The following HMOX1 variants were observed in gnomAD, a reference collection of about 807,000 sequenced individuals.
The protein encoded by HMOX1 is heme oxygenase 1, also known as heat shock protein, 32-kD.
Under a neutral mutation model 27.8 loss-of-function variants are expected in HMOX1, and 22 were observed. That is an observed-to-expected ratio of 0.79 (90% confidence interval 0.57 to 1.13). The LOEUF is 1.13. Ranked by LOEUF, HMOX1 falls within the 50% of genes most tolerant of loss-of-function variation. HMOX1 has a pLI of 0.00. For missense variants in HMOX1, 379 were observed against 377.7 expected (o/e 1.00, Z -0.03); for synonymous variants, 153 against 151.6 (o/e 1.01, Z -0.07).
At chr22:35,381,247 G>A in intron 1 of HMOX1, 51 bp downstream of exon 1, 1 of 1,539,262 alleles carries the variant, frequency 6.5e-7, no homozygotes, top group Non-Finnish European at 8.7e-7. Context: ...TCCCAACCCT[G>A]CTTGCGTCCT....
chr22:35,385,433 ATTTTTT>A (rs199925853), intron 2 of HMOX1, among the ~76,000 whole-genome samples: 9 of 124,714 alleles, frequency 7.2e-5, no homozygotes, highest in Non-Finnish European at 1.2e-4. Flanking sequence ...CCTTTGTTGG[ATTTTTT>A]TTTTTTTTTT....
intron 3 of HMOX1, among the ~76,000 whole-genome samples, chr22:35,389,229 C>T (rs1166907327): frequency 8.5e-6 from 1 of 116,976 alleles, no homozygotes. Flanking sequence ...TTCTTTCTTT[C>T]TTTCTTTCTT....
rs555936142 is a variant in HMOX1 at position 35,384,956 on chromosome 22, C to G, written c.145-1729C>G. ...TCCGTCACACTCAAAAACCCAGGCT[C>G]TTTTGTACCAGACTGCCTGGCTTTC... On this transcript the variant is annotated intron_variant, in intron 2 of 4. Transcript: ENST00000216117. Among the ~76,000 whole-genome samples, 7 of 151,932 alleles carry G rather than the reference C, an allele frequency of 4.6e-5. No individual in the cohort carries two copies. The East Asian group carries it at 9.6e-4, about 21-fold the overall frequency.
chr22:35,389,391 CCTTCCTTTCTTTCTTTCTTTCTTT>C (rs1321644733), intron 3 of HMOX1, among the ~76,000 whole-genome samples: 2 of 49,798 alleles, frequency 4.0e-5, no homozygotes, highest in African/African-American at 1.2e-4. Flanking sequence ...TTCCTTCCTT[CCTTCCTTTCTTTCTTTCTTTCTTT>C]CTTTCTTTCT....
chr22:35,391,505 T>C (rs903106195), intron 4 of HMOX1, among the ~76,000 whole-genome samples: 10 of 151,404 alleles, frequency 6.6e-5, no homozygotes, highest in African/African-American at 2.2e-4. Context: ...GCCAGGATGG[T>C]CTCGATCTCC....
intron 3 of HMOX1, among the ~76,000 whole-genome samples, chr22:35,389,301 T>C (rs1245319905): frequency 1.2e-4 from 15 of 123,848 alleles, no homozygotes; most frequent in African/African-American, 5.9e-4. Flanking sequence ...TCTTTCTTCT[T>C]TCTTTCTTTC....
At chr22:35,381,814 A>C (rs1931393403) in intron 1 of HMOX1, among the ~76,000 whole-genome samples, 1 of 151,706 alleles carries the variant, frequency 6.6e-6, no homozygotes, top group Admixed American at 6.6e-5. Context: ...CTCCCACCTC[A>C]GCCTCCAGAG....
Position 35,388,763 on chromosome 22 carries a change from C to T in HMOX1, c.637-1101C>T, listed in dbSNP as rs12169485. 3.4e-3 allele frequency among the ~76,000 whole-genome samples: 524 copies of T among 151,930 alleles called. 2 individuals carry two copies. Among genetic ancestry groups the T allele is most frequent in the African/African-American group, 0.011 (463 of 41,326 alleles). ...AGTGAGCAGAGATCGCGCCACTGCACTCCAGCCTGGGAGACAGAGTGAGAC... is the reference window on the plus strand; with the variant it reads ...AGTGAGCAGAGATCGCGCCACTGCATTCCAGCCTGGGAGACAGAGTGAGAC... On this transcript the variant is annotated intron_variant, in intron 3 of 4. Transcript: ENST00000216117.
intron 3 of HMOX1, among the ~76,000 whole-genome samples, chr22:35,389,282 TC>T (rs1473332463): frequency 8.5e-6 from 1 of 117,260 alleles, no homozygotes; most frequent in Non-Finnish European, 1.7e-5. Context: ...CTCCTCTCTC[TC>T]TCTCTCTTCT....
At chr22:35,389,839 G>C (rs1435824639) in intron 3 of HMOX1, 25 bp from the exon 4 acceptor site, 1 of 1,514,792 alleles carries the variant, frequency 6.6e-7, no homozygotes, top group Non-Finnish European at 9.1e-7. Flanking sequence ...CACTGAGATA[G>C]GCATGTGTGT....
chr22:35,383,279 G>T, intron 2 of HMOX1, 53 bp downstream of exon 2: 7 of 1,601,724 alleles, frequency 4.4e-6, no homozygotes, highest in South Asian at 1.1e-5. Flanking sequence ...GGTGTGGGTG[G>T]ACCCAAGGCT....
chr22:35,384,381 C>G (rs982302913), intron 2 of HMOX1, among the ~76,000 whole-genome samples: 1 of 151,950 alleles, frequency 6.6e-6, no homozygotes, highest in African/African-American at 2.4e-5. Context: ...ACCACCCGGC[C>G]GAGACATGCT....
chr22:35,393,738 C>G lies in HMOX1; in HGVS notation c.*140C>G. 1 of 1,031,598 alleles carries G rather than the reference C, an allele frequency of 9.7e-7. No homozygotes were observed. The highest frequency in any genetic ancestry group is 1.5e-6 in the Non-Finnish European group (1 of 664,732). 63.9% of individuals were successfully genotyped at this position (1,031,598 alleles called of 1,614,324 possible). A position where few individuals can be genotyped will look rare whatever the true frequency, so the allele number is the denominator to read the frequency against. On this transcript the variant is annotated 3_prime_UTR_variant, in exon 5 of 5. Transcript: ENST00000216117. ...CCTCCAGCCCTCTCACTGTGTCCCT[C>G]TCTCTGGAAAGGAGGAAGGAGCCTA...
At chr22:35,389,584 A>G (rs925539689) in intron 3 of HMOX1, among the ~76,000 whole-genome samples, 3 of 151,362 alleles carry the variant, frequency 2.0e-5, no homozygotes, top group African/African-American at 7.3e-5. Context: ...CTGGGATTAC[A>G]GGCATGCACC....
chr22:35,392,300 C>T (rs1340082832), intron 4 of HMOX1, among the ~76,000 whole-genome samples: 1 of 151,864 alleles, frequency 6.6e-6, no homozygotes, highest in Admixed American at 6.6e-5. Flanking sequence ...ATAGTGATAG[C>T]TATACTCACA....
rs183923652 is a variant in HMOX1 at position 35,383,261 on chromosome 22, G to A, written c.144+35G>A. ...TTGGTGGGACTAGCCCTGGTGGAGG[G>A]TGTGGCAGGTGTGGGTGGACCCAAG... On this transcript the variant is annotated intron_variant, in intron 2 of 4. Coordinates refer to ENST00000216117, the MANE Select transcript of HMOX1 (RefSeq NM_002133.3). 9 of 1,608,450 alleles carry A rather than the reference G, an allele frequency of 5.6e-6. No homozygotes were observed. In the Admixed American group the frequency reaches 8.4e-5, roughly 15 times the overall value.
chr22:35,393,016 C>T (rs1463400450), intron 4 of HMOX1, among the ~76,000 whole-genome samples: 2 of 152,100 alleles, frequency 1.3e-5, no homozygotes, highest in Non-Finnish European at 2.9e-5. Flanking sequence ...GCGCCCGGCC[C>T]TATCACATTT....
chr22:35,381,441 G>A, intron 1 of HMOX1: 2 of 582,926 alleles, frequency 3.4e-6, no homozygotes, highest in Non-Finnish European at 6.1e-6. Context: ...AGTGTCCCTA[G>A]AGTATCCAGT....
intron 3 of HMOX1, among the ~76,000 whole-genome samples, chr22:35,388,647 A>G (rs1186811114): frequency 6.6e-6 from 1 of 151,724 alleles, no homozygotes; most frequent in Non-Finnish European, 1.5e-5. Flanking sequence ...TACAAAAAAA[A>G]TTAGCTGGGC....
Sources: gnomAD v4.1 joint callset for allele counts (sites outside exome capture counted in the v4.1 genomes callset) on GRCh38, gnomAD v4.1.1 for gene constraint, MANE v1.5 for transcripts, NCBI Gene and HGNC (gene_info 2026-07-23, HGNC 2026-07-21) for gene names.